AGBL4: variants seen among roughly 807,000 people sequenced by gnomAD.
AGBL4 encodes the protein AGBL carboxypeptidase 4.
AGBL4 carries 58 observed loss-of-function variants against 66.4 expected under a neutral mutation model. The observed-to-expected ratio is 0.87, with a 90% confidence interval of 0.71 to 1.09. AGBL4 has a LOEUF of 1.09. Ranked by LOEUF, AGBL4 falls within the 50% of genes least tolerant of loss-of-function variation. AGBL4 has a pLI of 0.00. For synonymous variants in AGBL4, 234 were observed against 222.9 expected, an observed-to-expected ratio of 1.05 and a Z score of -0.44; for missense variants, 579 against 631.0, an observed-to-expected ratio of 0.92 and a Z score of 0.88.
chr1:49,696,961 T>TAA (rs1211693913), intron 3 of AGBL4, among the ~76,000 whole-genome samples: 57 of 152,164 alleles, frequency 3.7e-4, no homozygotes, highest in Non-Finnish European at 7.4e-5. Flanking sequence ...CACAGATCTT[T>TAA]ATAAAGAAGA....
chr1:49,241,284 T>A (rs1172859210), intron 4 of AGBL4, among the ~76,000 whole-genome samples: 1 of 152,054 alleles, frequency 6.6e-6, no homozygotes, highest in Non-Finnish European at 1.5e-5. Flanking sequence ...CTCTTTAGCT[T>A]GGTTTATAAG....
intron 6 of AGBL4, among the ~76,000 whole-genome samples, chr1:48,855,810 A>ATT (rs2148813879): frequency 1.3e-5 from 2 of 152,308 alleles, no homozygotes; most frequent in East Asian, 3.9e-4. Context: ...GACTTTAAGA[A>ATT]TAAATATACT....
At chr1:49,911,654 G>A (rs1650842926) in intron 1 of AGBL4, among the ~76,000 whole-genome samples, 2 of 152,192 alleles carry the variant, frequency 1.3e-5, no homozygotes, top group South Asian at 4.1e-4. Flanking sequence ...TTTTCAGAGT[G>A]TAAACTGATG....
At chr1:49,139,781 T>C (rs1646083840) in intron 4 of AGBL4, among the ~76,000 whole-genome samples, 1 of 152,158 alleles carries the variant, frequency 6.6e-6, no homozygotes, top group African/African-American at 2.4e-5. Flanking sequence ...GACAAGCGGC[T>C]ATTTTAATAT....
chr1:49,996,240 G>C (rs1408040096), intron 1 of AGBL4: 1 of 152,010 alleles, frequency 6.6e-6, no homozygotes, highest in African/African-American at 2.4e-5. Flanking sequence ...GCCGGAAAAA[G>C]AATCAGGTCA....
intron 3 of AGBL4, among the ~76,000 whole-genome samples, chr1:49,467,543 C>G (rs982168443): frequency 1.3e-5 from 2 of 151,760 alleles, no homozygotes; most frequent in African/African-American, 4.8e-5. Flanking sequence ...AGGGCACCAT[C>G]CACGTCAACT....
chr1:49,337,796 A>C (rs1645466768), intron 3 of AGBL4, among the ~76,000 whole-genome samples: 1 of 152,186 alleles, frequency 6.6e-6, no homozygotes, highest in South Asian at 2.1e-4. Flanking sequence ...CTGAAATGTA[A>C]AACCTGATCA....
intron 6 of AGBL4, among the ~76,000 whole-genome samples, chr1:48,680,609 GAC>G (rs2148479149): frequency 6.6e-6 from 1 of 152,362 alleles, no homozygotes; most frequent in South Asian, 2.1e-4. Context: ...CTGAAAAGGT[GAC>G]GGCCACCTTG....
chr1:49,072,968 T>C (rs1193069781), intron 4 of AGBL4, among the ~76,000 whole-genome samples: 1 of 152,198 alleles, frequency 6.6e-6, no homozygotes, highest in East Asian at 1.9e-4. Flanking sequence ...TATCTAATCT[T>C]GTCTTCTCAC....
At chr1:49,870,115 A>C (rs1646802688) in intron 1 of AGBL4, among the ~76,000 whole-genome samples, 1 of 152,200 alleles carries the variant, frequency 6.6e-6, no homozygotes. Flanking sequence ...TTTAAAAAGC[A>C]AGACTTTTAG....
chr1:48,546,860 A>ACACACAC (rs1553185388), intron 11 of AGBL4, among the ~76,000 whole-genome samples: 1 of 42,872 alleles, frequency 2.3e-5, no homozygotes, highest in Non-Finnish European at 4.3e-5. Flanking sequence ...TAGTAAAACA[A>ACACACAC]ACAAACACAC....
chr1:49,917,844 C>T (rs866280044), intron 1 of AGBL4, among the ~76,000 whole-genome samples: 2 of 152,292 alleles, frequency 1.3e-5, no homozygotes, highest in African/African-American at 4.8e-5. Flanking sequence ...GTAAAGCACT[C>T]CTCAGCAAAT....
intron 2 of AGBL4, among the ~76,000 whole-genome samples, chr1:49,738,682 G>A (rs1172013370): frequency 6.6e-6 from 1 of 152,100 alleles, no homozygotes; most frequent in Non-Finnish European, 1.5e-5. Flanking sequence ...CACCTCACAC[G>A]GCCGGGTACT....
At chr1:49,375,001 C>G (rs1325165706) in intron 3 of AGBL4, among the ~76,000 whole-genome samples, 2 of 152,172 alleles carry the variant, frequency 1.3e-5, no homozygotes, top group African/African-American at 4.8e-5. Flanking sequence ...CAACCTCTCT[C>G]TTTCCCTCCA....
chr1:49,612,646 T>C (rs1645176395), intron 3 of AGBL4, among the ~76,000 whole-genome samples: 1 of 152,020 alleles, frequency 6.6e-6, no homozygotes, highest in Non-Finnish European at 1.5e-5. Flanking sequence ...TCACTAAACA[T>C]TAGAGAAATG....
At chr1:49,056,658 T>C (rs1209437429) in intron 4 of AGBL4, among the ~76,000 whole-genome samples, 1 of 152,072 alleles carries the variant, frequency 6.6e-6, no homozygotes, top group African/African-American at 2.4e-5. Context: ...GCCTTGTCTT[T>C]GGTAAGAGTT....
At chr1:48,824,803 C>T (rs1051440385) in intron 6 of AGBL4, among the ~76,000 whole-genome samples, 1 of 152,196 alleles carries the variant, frequency 6.6e-6, no homozygotes, top group African/African-American at 2.4e-5. Flanking sequence ...TGAGGGGCTA[C>T]GGGGGCAAGC....
intron 6 of AGBL4, among the ~76,000 whole-genome samples, chr1:48,691,157 CA>C (rs35401645): frequency 0.014 from 1,173 of 84,268 alleles, 9 homozygotes; most frequent in African/African-American, 0.034. Flanking sequence ...GACTCCCTCT[CA>C]AAAAAAAAAA....
chr1:48,990,739 A>G (rs1355812179), intron 5 of AGBL4, among the ~76,000 whole-genome samples: 1 of 151,854 alleles, frequency 6.6e-6, no homozygotes, highest in Non-Finnish European at 1.5e-5. Flanking sequence ...TCCGTTGCAC[A>G]TTTTTGAATT....
Sources: allele counts gnomAD v4.1 joint callset (sites outside exome capture counted in the v4.1 genomes callset), GRCh38; gene constraint gnomAD v4.1.1; transcripts MANE v1.5; gene names NCBI Gene and HGNC (gene_info 2026-07-23, HGNC 2026-07-21).